CDKL4: variants seen among roughly 807,000 people sequenced by gnomAD.
CDKL4 encodes cyclin dependent kinase like 4.
CDKL4 carries 44 observed loss-of-function variants against 42.0 expected under a neutral mutation model. That is an observed-to-expected ratio of 1.05 (90% CI 0.82 to 1.35). CDKL4 has a LOEUF of 1.35. Ranked by LOEUF, CDKL4 falls within the 40% of genes most tolerant of loss-of-function variation. CDKL4 has a pLI of 0.00. For missense variants in CDKL4, 393 were observed against 369.9 expected (o/e 1.06, Z -0.51); for synonymous variants, 120 against 121.6 (o/e 0.99, Z 0.09).
intron 3 of CDKL4, among the ~76,000 whole-genome samples, chr2:39,214,628 C>T (rs1558570998): frequency 6.6e-6 from 1 of 152,170 alleles, no homozygotes; most frequent in Non-Finnish European, 1.5e-5. Context: ...ACATTTCGAT[C>T]CTGCATGGAT....
chr2:39,181,190 C>T (rs1231323998), intron 8 of CDKL4, among the ~76,000 whole-genome samples: 2 of 152,192 alleles, frequency 1.3e-5, no homozygotes, highest in East Asian at 1.9e-4. Context: ...CTCCTTGAAA[C>T]TTTGTTTCTC....
upstream of CDKL4, among the ~76,000 whole-genome samples, chr2:39,245,201 C>T (rs2148419749): frequency 6.6e-6 from 1 of 152,318 alleles, no homozygotes; most frequent in Middle Eastern, 3.4e-3. Flanking sequence ...GTCCACGCCG[C>T]TTTTATGAGT....
the CDKL4 span, among the ~76,000 whole-genome samples, chr2:39,170,584 G>A: frequency 2.6e-5 from 4 of 151,944 alleles, no homozygotes; most frequent in Non-Finnish European, 4.4e-5. Context: ...AGCCTCCCGA[G>A]TAGCTGGGAT....
At chr2:39,211,354 C>T (rs2148349498) in intron 4 of CDKL4, among the ~76,000 whole-genome samples, 1 of 152,226 alleles carries the variant, frequency 6.6e-6, no homozygotes, top group East Asian at 1.9e-4. Flanking sequence ...CACCACTGCA[C>T]TCCAGCCTGG....
rs1278195821 is a variant in CDKL4 at position 39,229,430 on chromosome 2, A to AT, written c.102dup (p.Phe35IlefsTer5). The AT allele has an allele frequency of 1.9e-6, 3 of 1,613,092 alleles. No individual in the cohort carries two copies. The highest frequency in any genetic ancestry group is 2.5e-6 in the Non-Finnish European group (3 of 1,179,642). On this transcript the variant is annotated frameshift_variant, in exon 2 of 10. Coordinates refer to ENST00000451199, the Ensembl canonical transcript of CDKL4. LOFTEE classifies it high-confidence loss of function. The stretch of plus-strand genomic sequence containing the variant: ...ACAGGATCATCTTCAGATTCCACAA[A>AT]TTTTTTAACAGCTACTACTTGTCCA...
At chr2:39,209,073 G>T (rs978329420) in intron 4 of CDKL4, among the ~76,000 whole-genome samples, 1 of 151,390 alleles carries the variant, frequency 6.6e-6, no homozygotes, top group Admixed American at 6.6e-5. Flanking sequence ...GGCCAAGGTG[G>T]GAGAATCGCT....
intron 5 of CDKL4, among the ~76,000 whole-genome samples, chr2:39,199,366 A>G (rs997070064): frequency 2.6e-5 from 4 of 152,098 alleles, no homozygotes; most frequent in East Asian, 1.9e-4. Context: ...CCAATGAAAA[A>G]AAGTCCAAGA....
intron 5 of CDKL4, among the ~76,000 whole-genome samples, chr2:39,203,943 A>C (rs1166353250): frequency 1.3e-5 from 2 of 152,210 alleles, no homozygotes; most frequent in East Asian, 3.8e-4. Context: ...GTCCACACCC[A>C]GACTGCGAGG....
intron 1 of CDKL4, among the ~76,000 whole-genome samples, chr2:39,243,516 G>C (rs931864774): frequency 1.3e-5 from 2 of 152,214 alleles, no homozygotes; most frequent in Non-Finnish European, 2.9e-5. Flanking sequence ...TGCAAGTCAA[G>C]CACAAATCCA....
chr2:39,207,995 G>A (rs1034333340), intron 4 of CDKL4, among the ~76,000 whole-genome samples: 1 of 152,146 alleles, frequency 6.6e-6, no homozygotes, highest in African/African-American at 2.4e-5. Flanking sequence ...CCAGCTACTC[G>A]GGAGGCTGAT....
chr2:39,245,663 A>T (rs1679883855), upstream of CDKL4, among the ~76,000 whole-genome samples: 1 of 152,224 alleles, frequency 6.6e-6, no homozygotes, highest in African/African-American at 2.4e-5. Flanking sequence ...TTCTTTCCCA[A>T]GGCATCGAGA....
downstream of CDKL4, among the ~76,000 whole-genome samples, chr2:39,174,920 C>T (rs377196299): frequency 2.6e-5 from 4 of 151,678 alleles, no homozygotes; most frequent in South Asian, 2.1e-4. Context: ...TGTGTATATA[C>T]GTATGTATGT....
chr2:39,208,498 G>A (rs1471651739), intron 4 of CDKL4, among the ~76,000 whole-genome samples: 3 of 151,842 alleles, frequency 2.0e-5, no homozygotes, highest in Non-Finnish European at 4.4e-5. Flanking sequence ...TCACCACCAC[G>A]CCTGGCTAAT....
chr2:39,240,774 C>A (rs1034407856), intron 1 of CDKL4, among the ~76,000 whole-genome samples: 6 of 151,274 alleles, frequency 4.0e-5, no homozygotes, highest in Admixed American at 2.0e-4. Flanking sequence ...TTTATAATTC[C>A]ATTACAGGAA....
intron 3 of CDKL4, among the ~76,000 whole-genome samples, chr2:39,216,811 C>T (rs1677947764): frequency 6.6e-6 from 1 of 152,000 alleles, no homozygotes; most frequent in South Asian, 2.1e-4. Flanking sequence ...AATTACTAGC[C>T]TTAATAACAG....
At chr2:39,174,207 C>A (rs1675078295), downstream of CDKL4, among the ~76,000 whole-genome samples, 1 of 151,922 alleles carries the variant, frequency 6.6e-6, no homozygotes, top group South Asian at 2.1e-4. Flanking sequence ...GAGTTAGAGA[C>A]CAGCCTGGGC....
At chr2:39,228,232 A>G (rs1233301181) in intron 2 of CDKL4, among the ~76,000 whole-genome samples, 1 of 152,216 alleles carries the variant, frequency 6.6e-6, no homozygotes, top group African/African-American at 2.4e-5. Context: ...CCCGCCCTGC[A>G]GCTTAGCTCA....
chr2:39,208,701 CTTTTT>C (rs761337117), intron 4 of CDKL4, among the ~76,000 whole-genome samples: 3 of 102,000 alleles, frequency 2.9e-5, no homozygotes, highest in Non-Finnish European at 4.1e-5. Context: ...GACGGGCAAT[CTTTTT>C]TTTTTTTTTT....
chr2:39,244,622 G>A (rs1280524003), upstream of CDKL4, among the ~76,000 whole-genome samples: 1 of 152,160 alleles, frequency 6.6e-6, no homozygotes, highest in Non-Finnish European at 1.5e-5. Context: ...GCTCCACGGC[G>A]CCCAGTCCCA....
Sources: allele counts gnomAD v4.1 joint callset (sites outside exome capture counted in the v4.1 genomes callset), GRCh38; gene constraint gnomAD v4.1.1; transcripts MANE v1.5; gene names NCBI Gene and HGNC (gene_info 2026-07-23, HGNC 2026-07-21).